Variants in NPEPPS observed in about 807,000 individuals in gnomAD.
NPEPPS encodes the protein aminopeptidase puromycin sensitive.
A neutral mutation model predicts 115.5 loss-of-function variants in NPEPPS; 14 were observed. The ratio of observed to expected loss-of-function variants is 0.12; its 90% CI spans 0.08 to 0.19. The LOEUF is 0.19. NPEPPS is among the 10% of genes least tolerant of loss of function. NPEPPS has a pLI of 1.00. For missense variants in NPEPPS, 523 were observed against 1,110.8 expected (o/e 0.47, Z 7.52); for synonymous variants, 285 against 390.6 (o/e 0.73, Z 3.19).
intron 2 of NPEPPS, among the ~76,000 whole-genome samples, chr17:47,547,352 CTT>C (rs534500954): frequency 9.7e-5 from 14 of 143,694 alleles, no homozygotes; most frequent in Non-Finnish European, 1.4e-4. Flanking sequence ...TTGCTTTTTA[CTT>C]TTTTTTTTTT....
chr17:47,543,576 C>G (rs1184105164), intron 1 of NPEPPS, among the ~76,000 whole-genome samples: 1 of 151,520 alleles, frequency 6.6e-6, no homozygotes, highest in East Asian at 1.9e-4. Context: ...ATCCACCCAC[C>G]TCAGCCTCCC....
intron 2 of NPEPPS, among the ~76,000 whole-genome samples, chr17:47,569,148 A>G (rs1470156360): frequency 2.0e-5 from 3 of 152,178 alleles, no homozygotes; most frequent in African/African-American, 7.2e-5. Flanking sequence ...ATAGAAAAGC[A>G]TCACATTTAT....
chr17:47,613,257 C>CTTTTTTTT (rs753383358), intron 18 of NPEPPS, among the ~76,000 whole-genome samples: 8 of 98,226 alleles, frequency 8.1e-5, no homozygotes, highest in East Asian at 2.9e-4. Flanking sequence ...ATAATATTTA[C>CTTTTTTTT]TTTTTTTTTT....
At chr17:47,604,144 G>T (rs1913389960) in intron 16 of NPEPPS, 95 bp downstream of exon 16, 21 of 1,223,902 alleles carry the variant, frequency 1.7e-5, no homozygotes, top group Non-Finnish European at 2.3e-5. Context: ...AAGAATATGG[G>T]TCTTCATGAT....
chr17:47,535,084 A>C (rs971536064), intron 1 of NPEPPS, among the ~76,000 whole-genome samples: 1 of 146,938 alleles, frequency 6.8e-6, no homozygotes, highest in African/African-American at 2.5e-5. Flanking sequence ...CTCTACTAAA[A>C]TACAAAAAAT....
Position 47,623,242 on chromosome 17 carries a change from A to G in NPEPPS, c.*1322A>G, listed in dbSNP as rs2144010201. On this transcript the variant is annotated 3_prime_UTR_variant, in exon 23 of 23. Transcript: ENST00000322157. Reference sequence around the variant, plus strand: ...TGTTTTAAAAAAATAATTAAAAAACAGTTGGCGTTAATAAAAATGTCAATG... The same window carrying G: ...TGTTTTAAAAAAATAATTAAAAAACGGTTGGCGTTAATAAAAATGTCAATG... The G allele has an allele frequency of 1.1e-5, 2 of 174,580 alleles. No homozygotes were observed. The highest frequency in any genetic ancestry group is 2.4e-5 in the Non-Finnish European group (2 of 82,078). The allele number at this position is 174,580 out of a possible 1,614,324, so 10.8% of individuals were successfully genotyped here. A position where few individuals can be genotyped will look rare whatever the true frequency, so the allele number is the denominator to read the frequency against.
chr17:47,578,214 AAAAGAGAG>A (rs1168965186), intron 3 of NPEPPS, among the ~76,000 whole-genome samples: 1 of 123,746 alleles, frequency 8.1e-6, no homozygotes. Flanking sequence ...AAAAAAAAAA[AAAAGAGAG>A]AAAGTCACAA....
intron 3 of NPEPPS, among the ~76,000 whole-genome samples, chr17:47,578,311 G>T (rs1264410027): frequency 6.6e-6 from 1 of 151,784 alleles, no homozygotes; most frequent in Non-Finnish European, 1.5e-5. Context: ...TAAAAGTTTG[G>T]TATGATTGGT....
chr17:47,605,623 T>A lies in NPEPPS; in HGVS notation c.2095+71T>A, dbSNP rs558988969. On this transcript the variant is annotated intron_variant, in intron 17 of 22. Transcript: ENST00000322157. ...CTTTTTTATGTGGTTAACAATATAA[T>A]TAATATCATCTTTGTATCTACTGGA... The A allele has an allele frequency of 3.3e-6, 3 of 921,758 alleles. No homozygotes were observed. In the South Asian group the frequency reaches 4.7e-5, roughly 14 times the overall value. The allele number at this position is 921,758 out of a possible 1,614,324, so 57.1% of individuals were successfully genotyped here. A position where few individuals can be genotyped will look rare whatever the true frequency, so the allele number is the denominator to read the frequency against.
chr17:47,544,617 T>TCTGC (rs1425487373), intron 1 of NPEPPS, among the ~76,000 whole-genome samples: 2 of 151,210 alleles, frequency 1.3e-5, no homozygotes, highest in Non-Finnish European at 3.0e-5. Flanking sequence ...CACTGCAATC[T>TCTGC]CTGCCTCCCG....
At chr17:47,547,527 T>C (rs928158007) in intron 2 of NPEPPS, among the ~76,000 whole-genome samples, 2 of 152,020 alleles carry the variant, frequency 1.3e-5, no homozygotes, top group Non-Finnish European at 2.9e-5. Flanking sequence ...CGTATTTGTA[T>C]TTTTTTATAG....
chr17:47,536,085 T>C (rs879445552), intron 1 of NPEPPS, among the ~76,000 whole-genome samples: 1 of 152,156 alleles, frequency 6.6e-6, no homozygotes, highest in Non-Finnish European at 1.5e-5. Context: ...TCCATCTTCC[T>C]CGGCCTCCCA....
At chr17:47,545,219 A>G (rs1171997166) in intron 1 of NPEPPS, among the ~76,000 whole-genome samples, 2 of 152,068 alleles carry the variant, frequency 1.3e-5, no homozygotes, top group East Asian at 3.9e-4. Flanking sequence ...CTGGTCTTGA[A>G]TTTTTGACCT....
chr17:47,601,460 G>C lies in NPEPPS; in HGVS notation c.1601-148G>C, dbSNP rs986824755. ...CTTCCTTTGCACTGATACTATTCAG[G>C]TTATCTGGAAGAGTTCATGTACCAC... On this transcript the variant is annotated intron_variant, in intron 14 of 22. Coordinates refer to ENST00000322157, the MANE Select transcript of NPEPPS (RefSeq NM_006310.4). 4 of 776,840 alleles carry C rather than the reference G, an allele frequency of 5.1e-6. No individual in the cohort carries two copies. In the Admixed American group the frequency reaches 1.0e-4, roughly 20 times the overall value. 48.1% of individuals were successfully genotyped at this position (776,840 alleles called of 1,614,324 possible). A position where few individuals can be genotyped will look rare whatever the true frequency, so the allele number is the denominator to read the frequency against.
intron 17 of NPEPPS, among the ~76,000 whole-genome samples, chr17:47,608,957 CT>C (rs1913680667): frequency 6.6e-6 from 1 of 152,018 alleles, no homozygotes; most frequent in South Asian, 2.1e-4. Context: ...GGAGCAGGTT[CT>C]TTAGAATAGG....
chr17:47,614,397 C>T (rs1914065393), intron 19 of NPEPPS, among the ~76,000 whole-genome samples: 2 of 152,142 alleles, frequency 1.3e-5, no homozygotes, highest in Non-Finnish European at 2.9e-5. Context: ...TGCTTAGGTT[C>T]TGTGCTTAGG....
At chr17:47,545,749 AT>A (rs1909156126) in intron 1 of NPEPPS, among the ~76,000 whole-genome samples, 159 bp from the exon 2 acceptor site, 2 of 151,960 alleles carry the variant, frequency 1.3e-5, no homozygotes, top group Admixed American at 6.6e-5. Flanking sequence ...GGGTTTCGCC[AT>A]GTTTTCCAGG....
rs572906740 is a variant in NPEPPS at position 47,552,611 on chromosome 17, A to G, written c.340+6618A>G. ...AATAGTTTTAAATTTTGTCTTAGTTATATTTGGTAAGTTTTAAAACATTAT... is the reference window on the plus strand; with the variant it reads ...AATAGTTTTAAATTTTGTCTTAGTTGTATTTGGTAAGTTTTAAAACATTAT... On this transcript the variant is annotated intron_variant, in intron 2 of 22. Coordinates refer to ENST00000322157, the MANE Select transcript of NPEPPS (RefSeq NM_006310.4). 2.0e-5 allele frequency among the ~76,000 whole-genome samples: 3 copies of G among 152,330 alleles called. No homozygotes were observed. In the South Asian group the frequency reaches 6.2e-4, roughly 32 times the overall value.
intron 2 of NPEPPS, among the ~76,000 whole-genome samples, chr17:47,558,160 C>G (rs1256773451): frequency 6.6e-6 from 1 of 152,074 alleles, no homozygotes; most frequent in Admixed American, 6.6e-5. Flanking sequence ...TGGAGTCTCG[C>G]TCTGCTGCCG....
Sources: gnomAD v4.1 joint callset for allele counts (sites outside exome capture counted in the v4.1 genomes callset) on GRCh38, gnomAD v4.1.1 for gene constraint, MANE v1.5 for transcripts, NCBI Gene and HGNC (gene_info 2026-07-23, HGNC 2026-07-21) for gene names.